PPP6R2: variants seen among roughly 807,000 people sequenced by gnomAD.
PPP6R2 encodes protein phosphatase 6 regulatory subunit 2.
PPP6R2 carries 62 observed loss-of-function variants against 100.2 expected under a neutral mutation model. That is an observed-to-expected ratio of 0.62 (90% CI 0.50 to 0.76). PPP6R2 has a LOEUF of 0.76. Ranked by LOEUF, PPP6R2 falls within the 30% of genes least tolerant of loss-of-function variation. The pLI is 0.00. For synonymous variants in PPP6R2, 525 were observed against 514.7 expected (o/e 1.02, Z -0.27); for missense variants, 1,142 against 1,276.3 (o/e 0.89, Z 1.60).
intron 1 of PPP6R2, among the ~76,000 whole-genome samples, chr22:50,370,020 A>G (rs1402305594): frequency 6.7e-6 from 1 of 149,316 alleles, no homozygotes; most frequent in African/African-American, 2.5e-5. Context: ...AAGTGCTGGG[A>G]TTACAGATGT....
intron 2 of PPP6R2, among the ~76,000 whole-genome samples, chr22:50,380,567 G>A (rs370350081): frequency 6.6e-6 from 1 of 151,078 alleles, no homozygotes. Flanking sequence ...CACTACGTTG[G>A]CCGGGCTGAT....
intron 10 of PPP6R2, among the ~76,000 whole-genome samples, chr22:50,424,852 G>C (rs2061874983): frequency 6.6e-6 from 1 of 151,982 alleles, no homozygotes; most frequent in African/African-American, 2.4e-5. Flanking sequence ...GTGTTGGCCA[G>C]GATGGTCTCA....
At chr22:50,361,302 G>A (rs1010488234) in intron 1 of PPP6R2, among the ~76,000 whole-genome samples, 1 of 152,178 alleles carries the variant, frequency 6.6e-6, no homozygotes, top group East Asian at 1.9e-4. Context: ...CCAAACCTGG[G>A]TTCAAGTTCT....
In PPP6R2 at chr22:50,393,661, G is replaced by A. The variant is rs532149765; in HGVS notation, c.-16-232G>A. 9.0e-5 allele frequency: 87 copies of A among 968,164 alleles called. No individual in the cohort carries two copies. In the South Asian group the frequency reaches 3.9e-3, roughly 43 times the overall value. 60.0% of individuals were successfully genotyped at this position (968,164 alleles called of 1,614,324 possible). A position where few individuals can be genotyped will look rare whatever the true frequency, so the allele number is the denominator to read the frequency against. On this transcript the variant is annotated intron_variant, in intron 2 of 23. Transcript: ENST00000612753. ...GCTGGGAAGTCTGCTAACTTTGTGA[G>A]CCCAACCTGGAGAGGTCTGATGGGA...
chr22:50,422,480 T>A lies in PPP6R2; in HGVS notation c.972+100T>A, dbSNP rs938231837. On this transcript the variant is annotated intron_variant, in intron 9 of 23. Transcript: ENST00000612753. Reference sequence around the variant, plus strand: ...ACAGCTTGTCCCATAGGTAGCAGAGTGTGGAGTGAATGTGTTCTAAGACGG... The same window carrying A: ...ACAGCTTGTCCCATAGGTAGCAGAGAGTGGAGTGAATGTGTTCTAAGACGG... 3.4e-5 allele frequency: 50 copies of A among 1,490,654 alleles called. No individual in the cohort carries two copies. The African/African-American group carries it at 6.8e-4, about 20-fold the overall frequency. 92.3% of individuals were successfully genotyped at this position (1,490,654 alleles called of 1,614,324 possible).
intron 2 of PPP6R2, among the ~76,000 whole-genome samples, chr22:50,381,647 G>A (rs55791675): frequency 0.32 from 49,388 of 152,022 alleles, 8,770 homozygotes; most frequent in African/African-American, 0.47. Context: ...CTGGCCAGGC[G>A]TGGTGGCTCA....
chr22:50,339,950 A>AGT (rs369820886), upstream of PPP6R2, among the ~76,000 whole-genome samples: 1 of 39,338 alleles, frequency 2.5e-5, no homozygotes, highest in East Asian at 9.5e-4. Flanking sequence ...TGTGTTATGT[A>AGT]GTGTGTGTGT....
At chr22:50,368,482 G>A (rs1231621579) in intron 1 of PPP6R2, among the ~76,000 whole-genome samples, 1 of 152,104 alleles carries the variant, frequency 6.6e-6, no homozygotes, top group African/African-American at 2.4e-5. Flanking sequence ...TTTTTCCTAG[G>A]TTATAATTGT....
intron 2 of PPP6R2, among the ~76,000 whole-genome samples, chr22:50,386,746 C>T (rs2054331428): frequency 6.6e-6 from 1 of 152,110 alleles, no homozygotes; most frequent in South Asian, 2.1e-4. Flanking sequence ...GGTTGAGGTT[C>T]CAGTGTTAGT....
intron 2 of PPP6R2, among the ~76,000 whole-genome samples, chr22:50,382,780 T>TA (rs781342051): frequency 5.6e-4 from 85 of 150,700 alleles, no homozygotes; most frequent in Admixed American, 9.9e-4. Context: ...GCAATCCCAA[T>TA]AAAAAACCCG....
At chr22:50,378,979 G>A (rs2052289302) in intron 2 of PPP6R2, among the ~76,000 whole-genome samples, 1 of 152,126 alleles carries the variant, frequency 6.6e-6, no homozygotes, top group Non-Finnish European at 1.5e-5. Context: ...AGGGCTTGAG[G>A]GAGTCTGTTA....
At position 50,353,418 on chromosome 22, in the gene PPP6R2, G is replaced by A. The variant is rs369971068; in HGVS notation, c.-148+9868G>A. On this transcript the variant is annotated intron_variant, in intron 1 of 23. Coordinates refer to ENST00000612753, the MANE Select transcript of PPP6R2 (RefSeq NM_001242898.2). ...AATGGCCGGTCAGAACTTACGCAGCGTTTATTAAGTTTGCTATCCTATATG... is the reference window on the plus strand; with the variant it reads ...AATGGCCGGTCAGAACTTACGCAGCATTTATTAAGTTTGCTATCCTATATG... 3.3e-4 allele frequency among the ~76,000 whole-genome samples: 50 copies of A among 152,212 alleles called. No homozygotes were observed. The East Asian group carries it at 6.9e-3, about 21-fold the overall frequency.
intron 1 of PPP6R2, among the ~76,000 whole-genome samples, chr22:50,352,186 C>T (rs1259983513): frequency 6.6e-6 from 1 of 152,048 alleles, no homozygotes; most frequent in Non-Finnish European, 1.5e-5. Flanking sequence ...AGTGATCCTT[C>T]CGCCTCGGCC....
intron 4 of PPP6R2, among the ~76,000 whole-genome samples, chr22:50,413,817 G>A (rs2060102204): frequency 1.3e-5 from 2 of 152,006 alleles, no homozygotes; most frequent in African/African-American, 2.4e-5. Flanking sequence ...GGAGGGCTGG[G>A]TCTACCCCAG....
intron 1 of PPP6R2, among the ~76,000 whole-genome samples, chr22:50,353,943 C>G (rs554262716): frequency 6.6e-6 from 1 of 151,082 alleles, no homozygotes; most frequent in Non-Finnish European, 1.5e-5. Context: ...GGAATTGTAA[C>G]GATAACTGAT....
intron 1 of PPP6R2, among the ~76,000 whole-genome samples, chr22:50,355,532 T>G (rs1274177942): frequency 9.0e-6 from 1 of 110,756 alleles, no homozygotes; most frequent in Non-Finnish European, 1.9e-5. Context: ...CCCGGCCTTT[T>G]TTTTTTGAGA....
At chr22:50,429,634 TTCTC>T (rs1223325187) in intron 10 of PPP6R2, among the ~76,000 whole-genome samples, 2 of 152,230 alleles carry the variant, frequency 1.3e-5, no homozygotes, top group Admixed American at 6.5e-5. Flanking sequence ...TTAGAAAGTA[TTCTC>T]TCTTAGTTTT....
At chr22:50,414,490 A>G in intron 4 of PPP6R2, 62 bp from the exon 5 acceptor site, 2 of 1,565,792 alleles carry the variant, frequency 1.3e-6, no homozygotes, top group Non-Finnish European at 1.7e-6. Context: ...GAGTTTTTGG[A>G]GGAGGTGTCT....
At position 50,437,928 on chromosome 22, in the gene PPP6R2, C is replaced by G. The variant is rs5770890; in HGVS notation, c.1839+28C>G. The G allele has an allele frequency of 0.63, 975,575 of 1,560,636 alleles. 308,960 individuals are homozygous for G. The highest frequency in any genetic ancestry group is 0.86 in the East Asian group (35,448 of 41,300). On this transcript the variant is annotated intron_variant, in intron 17 of 23. Coordinates refer to ENST00000612753, the MANE Select transcript of PPP6R2 (RefSeq NM_001242898.2). ...GAGCAAGCCGGGCTGTGTGGGGTGCCGCCACCCTTTTCCCAGGCAGCTCAG... is the reference window on the plus strand; with the variant it reads ...GAGCAAGCCGGGCTGTGTGGGGTGCGGCCACCCTTTTCCCAGGCAGCTCAG...
Sources: allele counts gnomAD v4.1 joint callset (sites outside exome capture counted in the v4.1 genomes callset), GRCh38; gene constraint gnomAD v4.1.1; transcripts MANE v1.5; gene names NCBI Gene and HGNC (gene_info 2026-07-23, HGNC 2026-07-21).